CDH18: variants seen among roughly 807,000 people sequenced by gnomAD.
CDH18 encodes the protein cadherin-18.
A neutral mutation model predicts 67.9 loss-of-function variants in CDH18; 31 were observed. The ratio of observed to expected loss-of-function variants is 0.46; its 90% CI spans 0.34 to 0.62. The LOEUF is 0.62. Ranked by LOEUF, CDH18 falls within the 20% of genes least tolerant of loss-of-function variation. The pLI, the probability that CDH18 is intolerant of heterozygous loss-of-function variation, is 0.01. For missense variants in CDH18, 890 were observed against 975.5 expected (o/e 0.91, Z 1.17); for synonymous variants, 362 against 347.2 (o/e 1.04, Z -0.48).
chr5:19,583,491 T>C (rs1473040247), intron 7 of CDH18, among the ~76,000 whole-genome samples: 1 of 152,152 alleles, frequency 6.6e-6, no homozygotes, highest in Non-Finnish European at 1.5e-5. Context: ...TGTTGTAATA[T>C]ACACACGGTA....
intron 1 of CDH18, among the ~76,000 whole-genome samples, chr5:20,550,864 C>T (rs1757595335): frequency 6.6e-6 from 1 of 152,176 alleles, no homozygotes. Flanking sequence ...CCTCAGGAAG[C>T]TTCCAATCAT....
chr5:19,621,216 G>GA (rs1392006857), intron 5 of CDH18, among the ~76,000 whole-genome samples: 10 of 140,418 alleles, frequency 7.1e-5, no homozygotes, highest in East Asian at 2.1e-4. Context: ...AAGAACCCAG[G>GA]TTTTTTTTTT....
chr5:19,653,125 G>A (rs914880460), intron 5 of CDH18, among the ~76,000 whole-genome samples: 3 of 151,498 alleles, frequency 2.0e-5, no homozygotes, highest in Non-Finnish European at 4.4e-5. Flanking sequence ...AGGTTGTTGC[G>A]AAAGTAATGG....
chr5:20,098,601 T>C (rs1347841792), intron 2 of CDH18, among the ~76,000 whole-genome samples: 1 of 152,088 alleles, frequency 6.6e-6, no homozygotes, highest in African/African-American at 2.4e-5. Context: ...CATGAGAAAT[T>C]ATATCATCAG....
chr5:20,491,654 G>A (rs1753594326), intron 1 of CDH18, among the ~76,000 whole-genome samples: 2 of 152,300 alleles, frequency 1.3e-5, no homozygotes, highest in Admixed American at 6.5e-5. Flanking sequence ...TGCTCAAGGA[G>A]ATCAGGATTT....
intron 2 of CDH18, among the ~76,000 whole-genome samples, chr5:20,074,691 A>C (rs1743770103): frequency 6.6e-6 from 1 of 151,492 alleles, no homozygotes; most frequent in Non-Finnish European, 1.5e-5. Context: ...GAATCTCACC[A>C]CCACATAAGA....
chr5:19,623,586 CT>C lies in CDH18; in HGVS notation c.644-10986del, dbSNP rs915272491. ...ATTGGCATATTTTTATCTTATTCTGCTTTTTTTTGGTTTTTGCTTTGATGGT... is the reference window on the plus strand; with the variant it reads ...ATTGGCATATTTTTATCTTATTCTGCTTTTTTTGGTTTTTGCTTTGATGGT... On this transcript the variant is annotated intron_variant, in intron 5 of 12. Coordinates refer to ENST00000382275, the MANE Select transcript of CDH18 (RefSeq NM_004934.5). 3.9e-4 allele frequency among the ~76,000 whole-genome samples: 59 copies of C among 151,254 alleles called. 1 individual carries two copies. The highest frequency in any genetic ancestry group is 4.6e-4 in the Admixed American group (7 of 15,158).
intron 6 of CDH18, among the ~76,000 whole-genome samples, chr5:19,597,004 T>C (rs1746283905): frequency 6.6e-6 from 1 of 152,216 alleles, no homozygotes; most frequent in Non-Finnish European, 1.5e-5. Flanking sequence ...GGCTCACTTA[T>C]GATGGAGTTC....
intron 2 of CDH18, among the ~76,000 whole-genome samples, chr5:20,198,403 T>G (rs1739161711): frequency 6.6e-6 from 1 of 152,224 alleles, no homozygotes; most frequent in Non-Finnish European, 1.5e-5. Context: ...GGAGGAAAGG[T>G]CACTCTTACT....
At chr5:20,099,500 AATT>A (rs1188418985) in intron 2 of CDH18, among the ~76,000 whole-genome samples, 1 of 152,134 alleles carries the variant, frequency 6.6e-6, no homozygotes, top group Non-Finnish European at 1.5e-5. Flanking sequence ...TTCAGGATAA[AATT>A]ATTGTCTCCC....
rs143967334 is a variant in CDH18 at position 20,128,234 on chromosome 5, C to T, written c.-518+127210G>A. Among the ~76,000 whole-genome samples the T allele has an allele frequency of 1.7e-4, 26 of 151,944 alleles. No individual in the cohort carries two copies. The East Asian group carries it at 3.3e-3, about 19-fold the overall frequency. ...GATAACAGCTCTCCTATTCACCTCA[C>T]GAAGATACTATGAAAATAGAAAATA... On this transcript the variant is annotated intron_variant, in intron 2 of 14. Transcript: ENST00000507958.
chr5:19,734,065 T>A (rs1767972623), intron 4 of CDH18, among the ~76,000 whole-genome samples: 1 of 152,226 alleles, frequency 6.6e-6, no homozygotes, highest in Non-Finnish European at 1.5e-5. Context: ...GCTGTTCTTG[T>A]TTAATGAATG....
intron 2 of CDH18, among the ~76,000 whole-genome samples, chr5:20,034,751 T>G (rs1739695194): frequency 6.6e-6 from 1 of 152,032 alleles, no homozygotes; most frequent in Admixed American, 6.6e-5. Flanking sequence ...CTACTCAACC[T>G]TCATAATTGT....
chr5:20,041,309 C>G (rs1056440343), intron 2 of CDH18, among the ~76,000 whole-genome samples: 20 of 152,112 alleles, frequency 1.3e-4, no homozygotes, highest in Non-Finnish European at 2.2e-4. Flanking sequence ...TTAGTTCTTA[C>G]TATTATATTT....
intron 2 of CDH18, among the ~76,000 whole-genome samples, chr5:19,915,682 T>C (rs1791693515): frequency 1.3e-5 from 2 of 152,074 alleles, no homozygotes; most frequent in Non-Finnish European, 2.9e-5. Context: ...AACATACATA[T>C]ATATCATTGT....
chr5:20,366,471 T>C (rs1473635614), intron 1 of CDH18, among the ~76,000 whole-genome samples: 1 of 152,216 alleles, frequency 6.6e-6, no homozygotes, highest in African/African-American at 2.4e-5. Context: ...TTCTCAATAA[T>C]TTATTTTCCA....
intron 2 of CDH18, among the ~76,000 whole-genome samples, chr5:20,027,338 A>T (rs1554081996): frequency 6.6e-6 from 1 of 152,240 alleles, no homozygotes; most frequent in Non-Finnish European, 1.5e-5. Flanking sequence ...AATATAAATT[A>T]ATACATACAT....
At chr5:20,130,808 C>G (rs1749208116) in intron 2 of CDH18, among the ~76,000 whole-genome samples, 1 of 152,004 alleles carries the variant, frequency 6.6e-6, no homozygotes, top group Non-Finnish European at 1.5e-5. Context: ...TCAGAGCAGA[C>G]TCATACAGAA....
chr5:20,007,236 C>G (rs984374447), intron 2 of CDH18, among the ~76,000 whole-genome samples: 14 of 151,748 alleles, frequency 9.2e-5, no homozygotes, highest in Admixed American at 9.2e-4. Flanking sequence ...TTACCAAGTG[C>G]ATTTCAAATT....
Sources: allele counts gnomAD v4.1 joint callset (sites outside exome capture counted in the v4.1 genomes callset), GRCh38; gene constraint gnomAD v4.1.1; transcripts MANE v1.5; gene names NCBI Gene and HGNC (gene_info 2026-07-23, HGNC 2026-07-21).